Variants in RNF10 observed in about 807,000 individuals in gnomAD.
RNF10 encodes E3 ubiquitin-protein ligase RNF10.
In RNF10, 38 loss-of-function variants were observed where a neutral mutation model predicts 91.4. That is an observed-to-expected ratio of 0.42 (90% CI 0.32 to 0.54). RNF10 has a LOEUF of 0.54. Ranked by LOEUF, RNF10 falls within the 20% of genes least tolerant of loss-of-function variation. The probability of loss-of-function intolerance (pLI) is 0.16; values close to 1 mark genes in which losing one functional copy is unlikely to be tolerated. For missense variants in RNF10, 945 were observed against 1,012.0 expected, an observed-to-expected ratio of 0.93 and a Z score of 0.90; for synonymous variants, 364 against 366.3, an observed-to-expected ratio of 0.99 and a Z score of 0.07.
At chr12:120,539,130 CAGA>C (rs1333266600) in intron 1 of RNF10, among the ~76,000 whole-genome samples, 1 of 152,082 alleles carries the variant, frequency 6.6e-6, no homozygotes, top group Non-Finnish European at 1.5e-5. Context: ...AGGCATTTTA[CAGA>C]AGTTTTCTTT....
intron 11 of RNF10, 54 bp from the exon 12 acceptor site, chr12:120,565,374 G>A (rs1875539913): frequency 6.6e-7 from 1 of 1,522,718 alleles, no homozygotes; most frequent in African/African-American, 1.4e-5. Context: ...ACTGGGAGGA[G>A]GTAATGACCA....
intron 6 of RNF10, among the ~76,000 whole-genome samples, chr12:120,559,000 TAATTA>T (rs1874419599): frequency 6.6e-6 from 1 of 151,796 alleles, no homozygotes; most frequent in Admixed American, 6.6e-5. Context: ...TACTTTTAAT[TAATTA>T]AATTCATTAA....
intron 2 of RNF10, among the ~76,000 whole-genome samples, chr12:120,547,601 A>G (rs1872515885): frequency 6.6e-6 from 1 of 152,176 alleles, no homozygotes; most frequent in African/African-American, 2.4e-5. Context: ...GCCATGTTAC[A>G]TGGTTTTGAG....
Position 120,577,357 on chromosome 12 carries a change from T to C in RNF10, c.*691T>C, listed in dbSNP as rs1023091658. 8.6e-6 allele frequency: 3 copies of C among 347,658 alleles called. No homozygotes were observed. The highest frequency in any genetic ancestry group is 6.6e-5 in the African/African-American group (3 of 45,256). 21.5% of individuals were successfully genotyped at this position (347,658 alleles called of 1,614,324 possible). A position where few individuals can be genotyped will look rare whatever the true frequency, so the allele number is the denominator to read the frequency against. On this transcript the variant is annotated 3_prime_UTR_variant, in exon 17 of 17. Transcript: ENST00000325954. ...AGACCTGCTACCCCTAAGATCGAGCTTGTTTTCAGTGACTGGCTTGAGTCA... is the reference window on the plus strand; with the variant it reads ...AGACCTGCTACCCCTAAGATCGAGCCTGTTTTCAGTGACTGGCTTGAGTCA...
chr12:120,576,789 G>C lies in RNF10; in HGVS notation c.*123G>C. On this transcript the variant is annotated 3_prime_UTR_variant, in exon 17 of 17. Coordinates refer to ENST00000325954, the MANE Select transcript of RNF10 (RefSeq NM_014868.5). Reference sequence around the variant, plus strand: ...TTTGAACAGATTAGCTCTGGGGGGAGGGGGTTTCCACAATGTGAGGGGGAA... The same window carrying C: ...TTTGAACAGATTAGCTCTGGGGGGACGGGGTTTCCACAATGTGAGGGGGAA... 1 of 1,378,726 alleles carries C rather than the reference G, an allele frequency of 7.3e-7. No individual in the cohort carries two copies. The highest frequency in any genetic ancestry group is 2.3e-5 in the Admixed American group (1 of 42,672). 85.4% of individuals were successfully genotyped at this position (1,378,726 alleles called of 1,614,324 possible).
intron 6 of RNF10, among the ~76,000 whole-genome samples, chr12:120,558,963 C>G (rs1565959668): frequency 6.6e-6 from 1 of 151,514 alleles, no homozygotes; most frequent in Non-Finnish European, 1.5e-5. Context: ...CACTTTGTCG[C>G]CTGGGCTGGA....
chr12:120,549,498 G>T (rs1486966507), intron 2 of RNF10, among the ~76,000 whole-genome samples: 1 of 152,016 alleles, frequency 6.6e-6, no homozygotes. Flanking sequence ...AGAAGTGGGT[G>T]ATGGGGCCGG....
chr12:120,571,608 C>T (rs146996951), intron 14 of RNF10, among the ~76,000 whole-genome samples: 5 of 152,282 alleles, frequency 3.3e-5, no homozygotes, highest in African/African-American at 1.2e-4. Context: ...TCAGATGTTA[C>T]TGTAGACGTA....
chr12:120,547,897 A>T (rs910839599), intron 2 of RNF10, among the ~76,000 whole-genome samples: 3 of 152,164 alleles, frequency 2.0e-5, no homozygotes, highest in Non-Finnish European at 4.4e-5. Context: ...GACTACAAAG[A>T]TATTCTTGGT....
In RNF10 at chr12:120,574,928, G is replaced by A. The variant is rs567208111; in HGVS notation, c.2143-703G>A. The A allele has an allele frequency of 1.0e-4, 17 of 167,478 alleles. 1 individual carries two copies. The highest frequency in any genetic ancestry group is 5.9e-4 in the South Asian group (5 of 8,524). 10.4% of individuals were successfully genotyped at this position (167,478 alleles called of 1,614,324 possible). On this transcript the variant is annotated intron_variant, in intron 14 of 16. Coordinates refer to ENST00000325954, the MANE Select transcript of RNF10 (RefSeq NM_014868.5). ...GGCAACAAGAGCGAAACTCCATCTC[G>A]AACAAAACAAAAAAAACTGGAGGGT... is the stretch of plus-strand genomic sequence containing the variant.
At chr12:120,552,475 C>G (rs374300314) in intron 2 of RNF10, 24 bp from the exon 3 acceptor site, 2 of 1,596,752 alleles carry the variant, frequency 1.3e-6, no homozygotes, top group South Asian at 2.2e-5. Context: ...ATCTGAAATA[C>G]TGATTCATTC....
Position 120,552,579 on chromosome 12 carries a change from T to G in RNF10, c.435T>G (p.Asn145Lys), listed in dbSNP as rs1400084749. 3.7e-6 allele frequency: 6 copies of G among 1,614,094 alleles called. No homozygotes were observed. The change falls in exon 3 of 17, where the codon AAT becomes AAG. Residue 145 changes from asparagine (N) to lysine (K), a missense_variant. Transcript: ENST00000325954. The part of the protein sequence containing the change: ...PKKINLNHLL[N>K]FTFEPRGQTG... Reference sequence around the variant, plus strand: ...AGATCAACCTGAACCACTTGTTGAATTTCACTTTTGAACCCCGTGGCCAGA... The same window carrying G: ...AGATCAACCTGAACCACTTGTTGAAGTTCACTTTTGAACCCCGTGGCCAGA...
In RNF10 at chr12:120,554,477, A is replaced by G. The variant is rs1000964203; in HGVS notation, c.555-241A>G. 1.1e-5 allele frequency: 5 copies of G among 438,572 alleles called. No individual in the cohort carries two copies. In the East Asian group the frequency reaches 1.4e-4, roughly 12 times the overall value. The allele number at this position is 438,572 out of a possible 1,614,324, so 27.2% of individuals were successfully genotyped here. A position where few individuals can be genotyped will look rare whatever the true frequency, so the allele number is the denominator to read the frequency against. On this transcript the variant is annotated intron_variant, in intron 3 of 16. Coordinates refer to ENST00000325954, the MANE Select transcript of RNF10 (RefSeq NM_014868.5). The stretch of plus-strand genomic sequence containing the variant: ...TTAGTTCAAGGGATGCCTTTGGGGA[A>G]TTTGGCTGGACTTGAAGCAGAAGAA...
intron 14 of RNF10, among the ~76,000 whole-genome samples, chr12:120,571,593 A>G (rs1876633566): frequency 6.6e-6 from 1 of 152,236 alleles, no homozygotes; most frequent in African/African-American, 2.4e-5. Context: ...TCATGGATTT[A>G]GTCCTCAGAT....
At chr12:120,557,489 G>C (rs2137202061) in intron 5 of RNF10, 23 bp downstream of exon 5, 1 of 1,613,496 alleles carries the variant, frequency 6.2e-7, no homozygotes, top group East Asian at 2.2e-5. Flanking sequence ...CATTTACTCA[G>C]TTAGATCCCA....
intron 14 of RNF10, among the ~76,000 whole-genome samples, chr12:120,573,645 G>C (rs1876985065): frequency 6.6e-6 from 1 of 152,006 alleles, no homozygotes; most frequent in Non-Finnish European, 1.5e-5. Flanking sequence ...CTGGGCATCT[G>C]GTGAGTGCCT....
chr12:120,538,540 G>A (rs763713065), intron 1 of RNF10, among the ~76,000 whole-genome samples: 1 of 152,158 alleles, frequency 6.6e-6, no homozygotes, highest in Non-Finnish European at 1.5e-5. Context: ...CTTCATTCCA[G>A]TAGTGTTAAT....
rs1389595116 is a variant in RNF10 at position 120,563,510 on chromosome 12, C to T, written c.1418C>T (p.Ala473Val). 2.5e-6 allele frequency: 4 copies of T among 1,614,014 alleles called. No homozygotes were observed. The highest frequency in any genetic ancestry group is 2.5e-6 in the Non-Finnish European group (3 of 1,180,018). ...LPEACDDLEL[A>V]DDNLKEGTIC... ...GAGGCCTGTGATGACTTGGAGTTAG[C>T]AGATGACAATCTTAAAGAGGGGACC... The change falls in exon 9 of 17, where the codon GCA becomes GTA. Residue 473 changes from alanine to valine, a missense_variant. By Grantham distance (64) the Ala-to-Val change is moderately conservative. Transcript: ENST00000325954.
chr12:120,573,735 G>A (rs1877000333), intron 14 of RNF10, among the ~76,000 whole-genome samples: 1 of 152,156 alleles, frequency 6.6e-6, no homozygotes, highest in African/African-American at 2.4e-5. Flanking sequence ...AGGAAGCAAG[G>A]AGGGGAGGAG....
Sources: allele counts gnomAD v4.1 joint callset (sites outside exome capture counted in the v4.1 genomes callset), GRCh38; gene constraint gnomAD v4.1.1; transcripts MANE v1.5; gene names NCBI Gene and HGNC (gene_info 2026-07-23, HGNC 2026-07-21).